The following NLGN4Y variants were observed in gnomAD, a reference collection of about 807,000 sequenced individuals.
NLGN4Y encodes neuroligin-4, Y-linked.
In NLGN4Y, 4 loss-of-function variants were observed where a neutral mutation model predicts 8.4. The ratio of observed to expected loss-of-function variants is 0.48; its 90% CI spans 0.23 to 1.09. NLGN4Y has a LOEUF of 1.09. Among genes scored for constraint, NLGN4Y ranks in the 50% least tolerant of loss-of-function variants. NLGN4Y has a pLI of 0.19. For missense variants in NLGN4Y, 90 were observed against 192.3 expected, an observed-to-expected ratio of 0.47 and a Z score of 3.15; for synonymous variants, 35 against 75.6, an observed-to-expected ratio of 0.46 and a Z score of 2.78.
intron 4 of NLGN4Y, among the ~76,000 whole-genome samples, chrY:14,806,148 A>G (rs764732625): frequency 5.9e-5 from 2 of 33,721 alleles, no homozygotes; most frequent in East Asian, 1.6e-3. Flanking sequence ...CTCAAAAACA[A>G]AAACAAAAAC....
At chrY:14,711,342 A>T (rs759407913) in intron 2 of NLGN4Y, among the ~76,000 whole-genome samples, 225 of 32,506 alleles carry the variant, frequency 6.9e-3, no homozygotes, top group African/African-American at 0.026. Flanking sequence ...GAAAAAACAC[A>T]ATCATAAACC....
chrY:14,783,288 T>C, intron 4 of NLGN4Y, among the ~76,000 whole-genome samples: 1 of 33,425 alleles, frequency 3.0e-5, no homozygotes, highest in Non-Finnish European at 7.4e-5. Context: ...GCTTTTCTAT[T>C]GTTTGAGTCA....
At chrY:14,655,051 C>G in intron 2 of NLGN4Y, among the ~76,000 whole-genome samples, 1 of 32,611 alleles carries the variant, frequency 3.1e-5, no homozygotes, top group Non-Finnish European at 7.5e-5. Flanking sequence ...ATCTTTTTTC[C>G]CCTGCACTTG....
intron 1 of NLGN4Y, among the ~76,000 whole-genome samples, chrY:14,570,752 C>G (rs746740574): frequency 7.8e-5 from 1 of 12,814 alleles, no homozygotes; most frequent in South Asian, 2.9e-3. Context: ...CCCCTCCCCC[C>G]ACCCCACAAC....
intron 1 of NLGN4Y, among the ~76,000 whole-genome samples, chrY:14,573,432 C>T (rs2080282847): frequency 3.0e-5 from 1 of 32,905 alleles, no homozygotes; most frequent in South Asian, 6.8e-4. Flanking sequence ...TCTGTGGGAT[C>T]GGTGGTGATA....
chrY:14,573,191 C>T, intron 1 of NLGN4Y, among the ~76,000 whole-genome samples: 1 of 33,237 alleles, frequency 3.0e-5, no homozygotes, highest in Non-Finnish European at 7.4e-5. Context: ...CTCCTTGTAC[C>T]TGTGGTAGAA....
At chrY:14,672,712 G>T in intron 2 of NLGN4Y, among the ~76,000 whole-genome samples, 3 of 31,460 alleles carry the variant, frequency 9.5e-5, no homozygotes, top group African/African-American at 3.7e-4. Flanking sequence ...AAAAGAGCCC[G>T]CATCGCCAAG....
intron 1 of NLGN4Y, among the ~76,000 whole-genome samples, chrY:14,539,639 G>A: frequency 7.1e-5 from 2 of 28,351 alleles, no homozygotes; most frequent in African/African-American, 2.8e-4. Flanking sequence ...CCTCATTCTA[G>A]GGGCATTACT....
chrY:14,538,096 G>A (rs2080138674), intron 1 of NLGN4Y, among the ~76,000 whole-genome samples: 1 of 33,471 alleles, frequency 3.0e-5, no homozygotes, highest in Non-Finnish European at 7.4e-5. Flanking sequence ...TGAACTGCCT[G>A]CACTGAATTT....
At chrY:14,603,380 G>A in intron 1 of NLGN4Y, among the ~76,000 whole-genome samples, 5 of 33,179 alleles carry the variant, frequency 1.5e-4, no homozygotes, top group Admixed American at 1.4e-3. Context: ...ATGGCATTGA[G>A]CCTCTTGTCC....
rs2080923323 is a variant in NLGN4Y at position 14,718,408 on chromosome Y, G to A, written c.473-1051G>A. On this transcript the variant is annotated intron_variant, in intron 2 of 6. Transcript: ENST00000684976. ...AAGGCAAAGACTGTTTTAATTGAGC[G>A]ACACAGTTAAAGTTATTGATAGTGG... 1.2e-4 allele frequency among the ~76,000 whole-genome samples: 4 copies of A among 33,625 alleles called. No individual in the cohort carries two copies. The South Asian group carries it at 2.6e-3, about 22-fold the overall frequency. The allele number at this position is 33,625 out of a possible 37,273, so 90.2% of individuals were successfully genotyped here. A position where few individuals can be genotyped will look rare whatever the true frequency, so the allele number is the denominator to read the frequency against.
At chrY:14,802,930 A>G in intron 4 of NLGN4Y, among the ~76,000 whole-genome samples, 2 of 22,513 alleles carry the variant, frequency 8.9e-5, no homozygotes, top group Non-Finnish European at 1.8e-4. Context: ...TACACACTAT[A>G]TATGGTATAT....
In NLGN4Y at chrY:14,843,059, C is replaced by G; in HGVS notation, c.*1797C>G. 1 of 121,506 alleles carries G rather than the reference C, an allele frequency of 8.2e-6. No individual in the cohort carries two copies. The allele number at this position is 121,506 out of a possible 400,897, so 30.3% of individuals were successfully genotyped here. On this transcript the variant is annotated 3_prime_UTR_variant, in exon 7 of 7. Coordinates refer to ENST00000684976, the MANE Select transcript of NLGN4Y (RefSeq NM_001365588.1). Reference sequence around the variant, plus strand: ...ATGCCTCTACTAAAGTGGGGATTCCCCATAAAAATTGTCCAGCTACCTGAC... The same window carrying G: ...ATGCCTCTACTAAAGTGGGGATTCCGCATAAAAATTGTCCAGCTACCTGAC...
rs1569382109 is a variant in NLGN4Y at position 14,841,339 on chromosome Y, A to G, written c.*77A>G. 5.6e-6 allele frequency: 2 copies of G among 359,009 alleles called. No homozygotes were observed. The highest frequency in any genetic ancestry group is 7.9e-6 in the Non-Finnish European group (2 of 252,289). 89.6% of individuals were successfully genotyped at this position (359,009 alleles called of 400,897 possible). On this transcript the variant is annotated 3_prime_UTR_variant, in exon 7 of 7. Coordinates refer to ENST00000684976, the MANE Select transcript of NLGN4Y (RefSeq NM_001365588.1). ...AAAGAGACAAATAAGGAGAAAGAAA[A>G]TCTCCAAACCAGGAATGTTTTTGTG...
chrY:14,592,015 G>A (rs757566187), intron 1 of NLGN4Y, among the ~76,000 whole-genome samples: 62 of 32,914 alleles, frequency 1.9e-3, no homozygotes, highest in South Asian at 8.5e-3. Context: ...TTGATAGAGA[G>A]ATACACAGCC....
chrY:14,524,541 G>A lies in NLGN4Y; in HGVS notation c.-279G>A. ...ATCAGCCAAGAGCACAGTCGGAGGC[G>A]GCAGAGACGGTGGCGGGTGAGCTAG... On this transcript the variant is annotated 5_prime_UTR_variant, in exon 1 of 7. Transcript: ENST00000684976. 1 of 121,416 alleles carries A rather than the reference G, an allele frequency of 8.2e-6. No individual in the cohort carries two copies. The highest frequency in any genetic ancestry group is 2.6e-4 in the East Asian group (1 of 3,879). 30.3% of individuals were successfully genotyped at this position (121,416 alleles called of 400,897 possible). A position where few individuals can be genotyped will look rare whatever the true frequency, so the allele number is the denominator to read the frequency against.
At chrY:14,677,813 T>C (rs2080754835) in intron 2 of NLGN4Y, among the ~76,000 whole-genome samples, 1 of 32,301 alleles carries the variant, frequency 3.1e-5, no homozygotes, top group Non-Finnish European at 7.6e-5. Flanking sequence ...AGCCTTGACT[T>C]CCTGGGCTCA....
In NLGN4Y at chrY:14,830,482, G is replaced by A; in HGVS notation, c.1624G>A (p.Val542Met). ...FSKNDVMLSA[V>M]VMTYWTNFAK... ...CAAGAACGACGTCATGCTCAGTGCC[G>A]TGGTGATGACCTACTGGACGAACTT... The change falls in exon 6 of 7, where the codon GTG (valine) becomes ATG (methionine). Residue 542 changes from valine to methionine, a missense_variant. Val to Met is a conservative substitution (Grantham distance 21). Transcript: ENST00000684976. 1 of 399,174 alleles carries A rather than the reference G, an allele frequency of 2.5e-6. No individual in the cohort carries two copies. The highest frequency in any genetic ancestry group is 3.5e-6 in the Non-Finnish European group (1 of 283,719).
chrY:14,697,331 CAGAT>C (rs2080832100), intron 2 of NLGN4Y, among the ~76,000 whole-genome samples: 13 of 29,480 alleles, frequency 4.4e-4, no homozygotes, highest in African/African-American at 1.2e-3. Flanking sequence ...TATATATAGA[CAGAT>C]AGATAGAAAG....
Sources: gnomAD v4.1 joint callset for allele counts (sites outside exome capture counted in the v4.1 genomes callset) on GRCh38, gnomAD v4.1.1 for gene constraint, MANE v1.5 for transcripts, NCBI Gene and HGNC (gene_info 2026-07-23, HGNC 2026-07-21) for gene names.